PHF6: variants seen among roughly 807,000 people sequenced by gnomAD.
PHF6 encodes PHD finger protein 6.
PHF6 carries 7 observed loss-of-function variants against 34.0 expected under a neutral mutation model. The observed-to-expected ratio is 0.21, with a 90% CI of 0.12 to 0.39. The LOEUF is 0.39. Ranked by LOEUF, PHF6 falls within the 10% of genes least tolerant of loss-of-function variation. The probability of loss-of-function intolerance (pLI) is 1.00; values close to 1 mark genes in which losing one functional copy is unlikely to be tolerated. For missense variants in PHF6, 128 were observed against 262.8 expected, an observed-to-expected ratio of 0.49 and a Z score of 3.55; for synonymous variants, 89 against 88.4, an observed-to-expected ratio of 1.01 and a Z score of -0.04.
intron 9 of PHF6, among the ~76,000 whole-genome samples, chrX:134,424,320 A>G (rs1468023473): frequency 1.8e-5 from 2 of 111,740 alleles, no homozygotes; most frequent in Non-Finnish European, 3.8e-5. Flanking sequence ...TACCTTTACA[A>G]TGGAGATAGC....
chrX:134,406,211 C>T (rs895153276), intron 5 of PHF6, among the ~76,000 whole-genome samples: 1 of 109,240 alleles, frequency 9.2e-6, no homozygotes, highest in Non-Finnish European at 1.9e-5. Context: ...AGAGTCTACA[C>T]AAGATATGCC....
intron 3 of PHF6, among the ~76,000 whole-genome samples, chrX:134,379,133 AG>A (rs772065329): frequency 8.9e-6 from 1 of 111,789 alleles, no homozygotes; most frequent in South Asian, 3.7e-4. Context: ...TAATAGGAAG[AG>A]GGGGGCTATC....
intron 3 of PHF6, among the ~76,000 whole-genome samples, chrX:134,391,514 G>A (rs1405422384): frequency 9.0e-6 from 1 of 111,349 alleles, no homozygotes; most frequent in Non-Finnish European, 1.9e-5. Flanking sequence ...CATCTTAACT[G>A]TATCTTGTCA....
intron 9 of PHF6, among the ~76,000 whole-genome samples, chrX:134,423,563 C>A (rs1009796067): frequency 2.7e-5 from 3 of 111,756 alleles, no homozygotes; most frequent in Non-Finnish European, 5.6e-5. Flanking sequence ...AGGTAGTTCC[C>A]AATGTGTAGT....
At chrX:134,402,629 C>G (rs887655107) in intron 5 of PHF6, among the ~76,000 whole-genome samples, 1 of 111,742 alleles carries the variant, frequency 8.9e-6, no homozygotes, top group African/African-American at 3.3e-5. Flanking sequence ...GTGTACAACT[C>G]TAAACAATGG....
chrX:134,390,034 G>A (rs1391967114), intron 3 of PHF6, among the ~76,000 whole-genome samples: 2 of 111,048 alleles, frequency 1.8e-5, no homozygotes, highest in Non-Finnish European at 3.8e-5. Context: ...GCCATATAAT[G>A]GAGTAAAATG....
intron 5 of PHF6, among the ~76,000 whole-genome samples, chrX:134,395,333 A>G (rs1365312132): frequency 4.5e-5 from 5 of 112,355 alleles, no homozygotes; most frequent in Non-Finnish European, 9.4e-5. Flanking sequence ...TTAAAATACA[A>G]ACTTTAAAAA....
chrX:134,411,365 G>C (rs1016391905), intron 5 of PHF6, among the ~76,000 whole-genome samples: 1 of 111,090 alleles, frequency 9.0e-6, no homozygotes, highest in African/African-American at 3.3e-5. Context: ...AATTTTTGTG[G>C]AATGATTTCA....
chrX:134,377,871 T>A (rs2077285457), intron 2 of PHF6, 116 bp downstream of exon 2: 4 of 999,673 alleles, frequency 4.0e-6, no homozygotes, highest in Non-Finnish European at 5.6e-6. Flanking sequence ...TCAGTTAAAT[T>A]TTAAGAAATG....
intron 1 of PHF6, among the ~76,000 whole-genome samples, chrX:134,376,407 G>A (rs1016970307): frequency 8.1e-5 from 9 of 111,771 alleles, no homozygotes; most frequent in African/African-American, 2.6e-4. Context: ...TGGCAACCTG[G>A]ATCTTGAACT....
At chrX:134,392,224 A>G (rs1204087311) in intron 3 of PHF6, among the ~76,000 whole-genome samples, 2 of 112,354 alleles carry the variant, frequency 1.8e-5, no homozygotes, top group Admixed American at 9.5e-5. Flanking sequence ...AGGAATGCTA[A>G]GTGTTCTTTA....
At chrX:134,407,745 A>G (rs893899140) in intron 5 of PHF6, among the ~76,000 whole-genome samples, 2 of 111,104 alleles carry the variant, frequency 1.8e-5, no homozygotes, top group Non-Finnish European at 3.8e-5. Flanking sequence ...CCAAAGATAC[A>G]CAGTATGTGG....
chrX:134,394,411 C>T (rs1222406771), intron 5 of PHF6, among the ~76,000 whole-genome samples: 1 of 111,024 alleles, frequency 9.0e-6, no homozygotes, highest in Admixed American at 9.5e-5. Context: ...GGATTACAGG[C>T]GTGAGCCATC....
intron 3 of PHF6, among the ~76,000 whole-genome samples, chrX:134,386,939 C>T (rs1041361813): frequency 1.3e-4 from 15 of 111,351 alleles, no homozygotes; most frequent in Non-Finnish European, 1.1e-4. Flanking sequence ...TTGTAAATCC[C>T]GTGGATTAGG....
At chrX:134,394,645 A>G (rs1254572476) in intron 5 of PHF6, among the ~76,000 whole-genome samples, 1 of 104,295 alleles carries the variant, frequency 9.6e-6, no homozygotes, top group African/African-American at 3.6e-5. Context: ...GGTTCACATC[A>G]TTCTCTGCCT....
At chrX:134,414,699 A>G (rs995017510) in intron 7 of PHF6, among the ~76,000 whole-genome samples, 4 of 111,083 alleles carry the variant, frequency 3.6e-5, no homozygotes, top group Non-Finnish European at 7.6e-5. Flanking sequence ...AAATTTGCCA[A>G]TTTAAACTAT....
chrX:134,410,226 A>C (rs769903681), intron 5 of PHF6, among the ~76,000 whole-genome samples: 1 of 111,899 alleles, frequency 8.9e-6, no homozygotes, highest in East Asian at 2.8e-4. Flanking sequence ...ACTGCTTTCC[A>C]CAGTGGCTGA....
chrX:134,384,395 G>C (rs1398596961), intron 3 of PHF6, among the ~76,000 whole-genome samples: 1 of 111,188 alleles, frequency 9.0e-6, no homozygotes, highest in East Asian at 2.8e-4. Context: ...CAGGAGACAG[G>C]TGATATACAA....
intron 3 of PHF6, among the ~76,000 whole-genome samples, chrX:134,389,367 G>T (rs779256583): frequency 9.0e-6 from 1 of 111,162 alleles, no homozygotes; most frequent in Non-Finnish European, 1.9e-5. Context: ...ATTTTCCCAC[G>T]TTTGAGGGAG....
Sources: allele counts gnomAD v4.1 joint callset (sites outside exome capture counted in the v4.1 genomes callset), GRCh38; gene constraint gnomAD v4.1.1; transcripts MANE v1.5; gene names NCBI Gene and HGNC (gene_info 2026-07-23, HGNC 2026-07-21).